TCF25: variants seen among roughly 807,000 people sequenced by gnomAD.
The protein encoded by TCF25 is ribosome quality control complex subunit TCF25.
In TCF25, 41 loss-of-function variants were observed where a neutral mutation model predicts 83.1. The ratio of observed to expected loss-of-function variants is 0.49; its 90% CI spans 0.38 to 0.64. TCF25 has a LOEUF of 0.64. Ranked by LOEUF, TCF25 falls within the 30% of genes least tolerant of loss-of-function variation. TCF25 has a pLI of 0.00. For missense variants in TCF25, 979 were observed against 914.5 expected (o/e 1.07, Z -0.91); for synonymous variants, 458 against 365.0 (o/e 1.25, Z -2.90).
chr16:89,893,300 G>A (rs1028246805), intron 6 of TCF25, among the ~76,000 whole-genome samples: 9 of 152,214 alleles, frequency 5.9e-5, no homozygotes, highest in African/African-American at 9.6e-5. Flanking sequence ...GAGGCCTGGC[G>A]CTGTGGCCAC....
intron 17 of TCF25, among the ~76,000 whole-genome samples, chr16:89,910,876 C>T (rs540560695): frequency 7.2e-5 from 11 of 152,232 alleles, no homozygotes; most frequent in African/African-American, 2.4e-4. Context: ...GTGAGTCAGC[C>T]GGCTTGATCC....
chr16:89,887,531 A>G, intron 4 of TCF25, 121 bp from the exon 5 acceptor site: 2 of 857,110 alleles, frequency 2.3e-6, no homozygotes, highest in South Asian at 3.9e-5. Context: ...AAGGCCTGGA[A>G]GCTGCCTTTC....
chr16:89,907,120 CTG>C lies in TCF25; in HGVS notation c.1720-120_1720-119del, dbSNP rs2044857942. ...AAAGCACAGCCGTTTCTGTCAGACT[CTG>C]TGGCTATCTCTCAGCAGATGCATCC... On this transcript the variant is annotated intron_variant, in intron 15 of 17. Transcript: ENST00000263346. The C allele has an allele frequency of 8.2e-6, 8 of 972,438 alleles. 1 individual carries two copies. Among genetic ancestry groups the C allele is most frequent in the South Asian group, 4.3e-5 (3 of 70,352 alleles). The allele number at this position is 972,438 out of a possible 1,614,324, so 60.2% of individuals were successfully genotyped here. A position where few individuals can be genotyped will look rare whatever the true frequency, so the allele number is the denominator to read the frequency against.
chr16:89,898,709 C>T (rs2044084324), intron 10 of TCF25, 58 bp from the exon 11 acceptor site: 3 of 1,611,846 alleles, frequency 1.9e-6, no homozygotes, highest in South Asian at 1.1e-5. Context: ...CAGGCCCACT[C>T]TCAGCCTGAC....
chr16:89,896,028 C>A lies in TCF25; in HGVS notation c.967C>A (p.Leu323Met). ...LYSMECAFHPLFSLTSGACRL... is the reference protein window; with the variant it reads ...LYSMECAFHPMFSLTSGACRL... ...CAGCATGGAATGTGCGTTCCACCCCCTGTTCAGTCTCACCAGTGGGGCCTG... is the reference window on the plus strand; with the variant it reads ...CAGCATGGAATGTGCGTTCCACCCCATGTTCAGTCTCACCAGTGGGGCCTG... The change falls in exon 9 of 18, where the codon CTG (leucine) becomes ATG (methionine). Residue 323 changes from leucine (L) to methionine (M), a missense_variant. Transcript: ENST00000263346. 1 of 1,613,956 alleles carries A rather than the reference C, an allele frequency of 6.2e-7. No homozygotes were observed. The highest frequency in any genetic ancestry group is 8.5e-7 in the Non-Finnish European group (1 of 1,180,004).
intron 8 of TCF25, among the ~76,000 whole-genome samples, chr16:89,895,505 C>T (rs955840242): frequency 6.6e-6 from 1 of 152,224 alleles, no homozygotes; most frequent in South Asian, 2.1e-4. Flanking sequence ...CACGCCCCGC[C>T]CTCTGGCTTT....
intron 14 of TCF25, among the ~76,000 whole-genome samples, chr16:89,905,922 C>T (rs183994265): frequency 6.6e-6 from 1 of 152,316 alleles, no homozygotes; most frequent in Admixed American, 6.5e-5. Flanking sequence ...CACAAGAAGC[C>T]ACTGGCTACG....
Position 89,882,310 on chromosome 16 carries a change from G to C in TCF25, c.193-1041G>C, listed in dbSNP as rs143471617. On this transcript the variant is annotated intron_variant, in intron 1 of 17. Transcript: ENST00000263346. ...AGCTCTTTGGGAGGCTGAGGCAGGA[G>C]GATCGCTTGAGGTCAGGAGCTCAAG... 1.1e-4 allele frequency among the ~76,000 whole-genome samples: 16 copies of C among 152,306 alleles called. No homozygotes were observed. The South Asian group carries it at 2.7e-3, about 26-fold the overall frequency.
Position 89,900,943 on chromosome 16 carries a change from C to G in TCF25, c.1381+149C>G, listed in dbSNP as rs192676860. 7.5e-6 allele frequency: 7 copies of G among 937,244 alleles called. No homozygotes were observed. In the Admixed American group the frequency reaches 9.0e-5, roughly 12 times the overall value. 58.1% of individuals were successfully genotyped at this position (937,244 alleles called of 1,614,324 possible). A position where few individuals can be genotyped will look rare whatever the true frequency, so the allele number is the denominator to read the frequency against. On this transcript the variant is annotated intron_variant, in intron 12 of 17. Transcript: ENST00000263346. ...GGTAGGGCCTGCAAACCTGCCCTAC[C>G]AAACCTGAAAGAGGGTCGGCTCATC...
rs745462697 is a variant in TCF25, at chr16:89,895,061, C to T, written c.852C>T (p.Tyr284=). Residue 284 remains tyrosine, a synonymous_variant, in exon 8 of 18, where the codon TAC becomes TAT. Transcript: ENST00000263346. The stretch of plus-strand genomic sequence containing the variant: ...AGGTTCTGCTCCAGACGAGCCCTTA[C>T]CACGTTGACTCACTCCTGCAGCTCA... ...NIVVLLQTSP[Y]HVDSLLQLSD... 4.3e-6 allele frequency: 7 copies of T among 1,613,284 alleles called. No individual in the cohort carries two copies. Among genetic ancestry groups the T allele is most frequent in the Non-Finnish European group, 5.9e-6 (7 of 1,179,770 alleles).
chr16:89,904,230 TCTGTGGGTGC>T lies in TCF25; in HGVS notation c.1469+34_1469+43del, dbSNP rs770244497. 7.1e-6 allele frequency: 11 copies of T among 1,552,716 alleles called. No individual in the cohort carries two copies. The African/African-American group carries it at 1.4e-4, about 19-fold the overall frequency. On this transcript the variant is annotated intron_variant, in intron 13 of 17. Transcript: ENST00000263346. ...GGTAAAGAGTGGCTGGTGGTGCCCATCTGTGGGTGCCTGTGGGTTCGGAGCCTGGGAGCCA... is the reference window on the plus strand; with the variant it reads ...GGTAAAGAGTGGCTGGTGGTGCCCATCTGTGGGTTCGGAGCCTGGGAGCCA...
chr16:89,892,420 C>G (rs1214307565), intron 6 of TCF25, 145 bp downstream of exon 6: 9 of 915,734 alleles, frequency 9.8e-6, no homozygotes, highest in Non-Finnish European at 1.6e-6. Flanking sequence ...CACTGGCCTG[C>G]GCTGGGCACC....
At chr16:89,908,626 GCTCCCAC>G (rs1162583977) in intron 16 of TCF25, among the ~76,000 whole-genome samples, 5 of 10,094 alleles carry the variant, frequency 5.0e-4, no homozygotes, top group Admixed American at 2.3e-3. Context: ...CCACCTCCCA[GCTCCCAC>G]CTCCCACCTC....
chr16:89,909,026 A>C, intron 16 of TCF25: 1 of 1,289,560 alleles, frequency 7.8e-7, no homozygotes. Context: ...TTTGCAGGCC[A>C]CGTTCTTTCC....
rs546066499 is a variant in TCF25 at position 89,899,178 on chromosome 16, C to T, written c.1221+306C>T. 1.4e-4 allele frequency among the ~76,000 whole-genome samples: 22 copies of T among 152,130 alleles called. No homozygotes were observed. In the South Asian group the frequency reaches 3.5e-3, roughly 24 times the overall value. On this transcript the variant is annotated intron_variant, in intron 11 of 17. Transcript: ENST00000263346. ...TGTGATGCTGGTAATGATGAAAAAC[C>T]GACAACTCCCGAGCTCCTCATGGGC...
intron 12 of TCF25, among the ~76,000 whole-genome samples, chr16:89,903,406 C>G (rs192104379): frequency 2.6e-4 from 40 of 152,372 alleles, no homozygotes; most frequent in African/African-American, 8.9e-4. Context: ...CACGGTGGCT[C>G]ACGCCTGTAA....
At chr16:89,900,185 A>G (rs1303356188) in intron 11 of TCF25, among the ~76,000 whole-genome samples, 2 of 145,584 alleles carry the variant, frequency 1.4e-5, no homozygotes, top group African/African-American at 5.5e-5. Flanking sequence ...AGGCTGAGAA[A>G]GGCAAGAGAA....
At chr16:89,896,373 C>T (rs1240179024) in intron 9 of TCF25, among the ~76,000 whole-genome samples, 1 of 151,942 alleles carries the variant, frequency 6.6e-6, no homozygotes, top group African/African-American at 2.4e-5. Context: ...GTGAGACCCC[C>T]ATCTCTTAAA....
In TCF25 at chr16:89,873,870, C is replaced by T. The variant is rs2041938001; in HGVS notation, c.192+11C>T. ...AACCGCTTCGAGCTGGTGAGGAGCGCGGCGGCCCGGGTGGGGGTGGGGTGG... is the reference window on the plus strand; with the variant it reads ...AACCGCTTCGAGCTGGTGAGGAGCGTGGCGGCCCGGGTGGGGGTGGGGTGG... On this transcript the variant is annotated intron_variant, in intron 1 of 17. Transcript: ENST00000263346. 5 of 824,374 alleles carry T rather than the reference C, an allele frequency of 6.1e-6. No homozygotes were observed. Among genetic ancestry groups the T allele is most frequent in the Middle Eastern group, 2.8e-4 (1 of 3,614 alleles). 51.1% of individuals were successfully genotyped at this position (824,374 alleles called of 1,614,324 possible). A position where few individuals can be genotyped will look rare whatever the true frequency, so the allele number is the denominator to read the frequency against.
Sources: gnomAD v4.1 joint callset for allele counts (sites outside exome capture counted in the v4.1 genomes callset) on GRCh38, gnomAD v4.1.1 for gene constraint, MANE v1.5 for transcripts, NCBI Gene and HGNC (gene_info 2026-07-23, HGNC 2026-07-21) for gene names.